The following UNC5D variants were observed in gnomAD, a reference collection of about 807,000 sequenced individuals.
UNC5D encodes unc-5 netrin receptor D, also known as netrin receptor UNC5D.
In UNC5D, 39 loss-of-function variants were observed where a neutral mutation model predicts 105.4. That is an observed-to-expected ratio of 0.37 (90% confidence interval 0.29 to 0.48). UNC5D has a LOEUF of 0.48. Ranked by LOEUF, UNC5D falls within the 20% of genes least tolerant of loss-of-function variation. UNC5D has a pLI of 0.98. For missense variants in UNC5D, 991 were observed against 1,202.4 expected, an observed-to-expected ratio of 0.82 and a Z score of 2.60; for synonymous variants, 452 against 450.4, an observed-to-expected ratio of 1.00 and a Z score of -0.04.
intron 15 of UNC5D, 129 bp downstream of exon 15, chr8:35,767,195 T>G: frequency 8.9e-7 from 1 of 1,127,764 alleles, no homozygotes; most frequent in Non-Finnish European, 1.2e-6. Flanking sequence ...TTCATCTTCA[T>G]TACTGATGAG....
At chr8:35,526,579 G>GT (rs1277181388) in intron 1 of UNC5D, among the ~76,000 whole-genome samples, 3 of 151,698 alleles carry the variant, frequency 2.0e-5, no homozygotes, top group East Asian at 1.9e-4. Context: ...TTTTCTTTTT[G>GT]TTTTTTTGTT....
intron 1 of UNC5D, among the ~76,000 whole-genome samples, chr8:35,429,170 C>A (rs1019952824): frequency 2.6e-5 from 4 of 152,108 alleles, no homozygotes; most frequent in Non-Finnish European, 1.5e-5. Flanking sequence ...CTGCAATAAT[C>A]TTCATTTTAT....
At chr8:35,329,385 G>GC (rs1810423436) in intron 1 of UNC5D, among the ~76,000 whole-genome samples, 1 of 119,588 alleles carries the variant, frequency 8.4e-6, no homozygotes, top group Non-Finnish European at 1.7e-5. Context: ...CCAATTTTCT[G>GC]TTTTTTATTG....
At chr8:35,572,275 C>CAAAAAAAA (rs58478029) in intron 3 of UNC5D, among the ~76,000 whole-genome samples, 1 of 72,476 alleles carries the variant, frequency 1.4e-5, no homozygotes, top group African/African-American at 5.8e-5. Context: ...GCGAGACTGT[C>CAAAAAAAA]AAAAAAAAAA....
intron 1 of UNC5D, among the ~76,000 whole-genome samples, chr8:35,341,180 G>C (rs1009864683): frequency 1.3e-5 from 2 of 151,904 alleles, no homozygotes; most frequent in Non-Finnish European, 2.9e-5. Flanking sequence ...ATTCATACTG[G>C]AATAATTTAG....
intron 4 of UNC5D, among the ~76,000 whole-genome samples, chr8:35,657,080 G>GTGTGTGTA (rs1281641556): frequency 1.8e-3 from 83 of 46,498 alleles, no homozygotes; most frequent in African/African-American, 2.5e-3. Flanking sequence ...GTGTGTGTGT[G>GTGTGTGTA]TATATATATA....
chr8:35,549,164 C>T, intron 1 of UNC5D, 128 bp from the exon 2 acceptor site: 1 of 860,678 alleles, frequency 1.2e-6, no homozygotes, highest in Non-Finnish European at 1.8e-6. Context: ...GTTCTACAAG[C>T]ATGCTTTATT....
chr8:35,578,260 ACT>A (rs1402539743), intron 3 of UNC5D, among the ~76,000 whole-genome samples: 3 of 129,710 alleles, frequency 2.3e-5, no homozygotes, highest in Non-Finnish European at 4.7e-5. Flanking sequence ...AAAAAGAAAA[ACT>A]CTGTCTCAAA....
chr8:35,774,290 T>C lies in UNC5D; in HGVS notation c.2479-9T>C, dbSNP rs201978646. The C allele has an allele frequency of 2.8e-5, 45 of 1,613,634 alleles. No individual in the cohort carries two copies. Among genetic ancestry groups the C allele is most frequent in the East Asian group, 6.7e-5 (3 of 44,862 alleles). On this transcript the variant is annotated splice_polypyrimidine_tract_variant and intron_variant, in intron 15 of 16. Transcript: ENST00000404895. The stretch of plus-strand genomic sequence containing the variant: ...AGATCTGATCATGCGTTCCTTATTT[T>C]GTTTATAGAGTGAACGAGAAACCAT...
In UNC5D at chr8:35,568,112, G is replaced by C. The variant is rs151297319; in HGVS notation, c.337G>C (p.Glu113Gln). 1.9e-6 allele frequency: 3 copies of C among 1,614,134 alleles called. No individual in the cohort carries two copies. In the Admixed American group the frequency reaches 5.0e-5, roughly 27 times the overall value. The change falls in exon 3 of 17, where the codon GAA (glutamate) becomes CAA (glutamine). Residue 113 changes from glutamate (E) to glutamine (Q), a missense_variant. Glu to Gln is a conservative substitution (Grantham distance 29). Around this residue, in one of 3 missense-constraint regions of UNC5D, gnomAD observed 944 missense variants for 1,131.6 expected, o/e 0.83. Coordinates refer to ENST00000404895, the MANE Select transcript of UNC5D (RefSeq NM_080872.4). ...CCCACCATCAGGTTTGAAGGTCCGC[G>C]AAGTGTTCATCAATGTTACTAGGCA... ...LDESSGLKVR[E>Q]VFINVTRQQV...
intron 13 of UNC5D, among the ~76,000 whole-genome samples, chr8:35,755,905 T>G (rs1830498430): frequency 6.6e-6 from 1 of 152,178 alleles, no homozygotes. Flanking sequence ...ATATGAGTGA[T>G]TTAGAACTAG....
At chr8:35,650,571 G>A (rs1478706519) in intron 4 of UNC5D, among the ~76,000 whole-genome samples, 1 of 152,136 alleles carries the variant, frequency 6.6e-6, no homozygotes, top group South Asian at 2.1e-4. Flanking sequence ...GAGTTCAAGT[G>A]ATTCCCCTGC....
At chr8:35,757,932 ATTTAAC>A (rs1478602263) in intron 13 of UNC5D, among the ~76,000 whole-genome samples, 1 of 152,204 alleles carries the variant, frequency 6.6e-6, no homozygotes, top group Non-Finnish European at 1.5e-5. Context: ...ACATGTGGAT[ATTTAAC>A]TTTAATTAAA....
rs1019250221 is a variant in UNC5D at position 35,462,454 on chromosome 8, G to A, written c.104-86838G>A. ...GAAAAATTCTCACTGCTACCAACTTGAAATTAGTTTTAAAGGTTATTATGC... is the reference window on the plus strand; with the variant it reads ...GAAAAATTCTCACTGCTACCAACTTAAAATTAGTTTTAAAGGTTATTATGC... On this transcript the variant is annotated intron_variant, in intron 1 of 16. Coordinates refer to ENST00000404895, the MANE Select transcript of UNC5D (RefSeq NM_080872.4). Among the ~76,000 whole-genome samples the A allele has an allele frequency of 2.0e-5, 3 of 151,926 alleles. No individual in the cohort carries two copies. In the East Asian group the frequency reaches 5.8e-4, roughly 29 times the overall value.
intron 4 of UNC5D, among the ~76,000 whole-genome samples, chr8:35,623,579 T>C (rs1192143965): frequency 6.6e-6 from 1 of 152,154 alleles, no homozygotes; most frequent in Non-Finnish European, 1.5e-5. Flanking sequence ...CTCCCAGATT[T>C]CTGGGTTTCA....
At chr8:35,261,124 T>C (rs909213048) in intron 1 of UNC5D, among the ~76,000 whole-genome samples, 4 of 152,200 alleles carry the variant, frequency 2.6e-5, no homozygotes, top group African/African-American at 9.7e-5. Context: ...AAGCAATTAA[T>C]TGTGAAACTA....
chr8:35,288,437 C>T (rs1030721944), intron 1 of UNC5D, among the ~76,000 whole-genome samples: 11 of 151,790 alleles, frequency 7.2e-5, no homozygotes, highest in Non-Finnish European at 1.2e-4. Context: ...GAGTTTATCA[C>T]CACTAGGCCT....
Position 35,691,649 on chromosome 8 carries a change from A to G in UNC5D, c.1084+4940A>G, listed in dbSNP as rs189895453. On this transcript the variant is annotated intron_variant, in intron 7 of 16. Coordinates refer to ENST00000404895, the MANE Select transcript of UNC5D (RefSeq NM_080872.4). ...CAGAGGAAAAAGGTAATGATGTGGT[A>G]TGACTGTCAAGAAGCAAGAACTTGT... is the stretch of plus-strand genomic sequence containing the variant. Among the ~76,000 whole-genome samples, 202 of 152,294 alleles carry G rather than the reference A, an allele frequency of 1.3e-3. 2 individuals are homozygous for G. Among genetic ancestry groups the G allele is most frequent in the South Asian group, 0.013 (62 of 4,828 alleles).
intron 1 of UNC5D, among the ~76,000 whole-genome samples, chr8:35,464,778 T>C (rs146342734): frequency 7.4e-4 from 113 of 152,312 alleles, no homozygotes; most frequent in African/African-American, 2.7e-3. Flanking sequence ...ACCCTGGCCA[T>C]CTCCCAAGTC....
Sources: gnomAD v4.1 joint callset for allele counts (sites outside exome capture counted in the v4.1 genomes callset) on GRCh38, gnomAD v4.1.1 for gene constraint, gnomAD v4.1.1 regional missense constraint, MANE v1.5 for transcripts, NCBI Gene and HGNC (gene_info 2026-07-23, HGNC 2026-07-21) for gene names.